The following FBXO36 variants were observed in gnomAD, a reference collection of about 807,000 sequenced individuals.
FBXO36 encodes the protein F-box protein 36, also known as F-box only protein 36.
Under a neutral mutation model 17.0 loss-of-function variants are expected in FBXO36, and 18 were observed. The ratio of observed to expected loss-of-function variants is 1.06; its 90% CI spans 0.73 to 1.57. The LOEUF (loss-of-function observed/expected upper bound fraction) is 1.57, where lower values mean the gene tolerates loss of function less well. FBXO36 is among the 40% of genes most tolerant of loss of function. FBXO36 has a pLI of 0.00. For synonymous variants in FBXO36, 83 were observed against 85.3 expected, an observed-to-expected ratio of 0.97 and a Z score of 0.15; for missense variants, 229 against 221.9, an observed-to-expected ratio of 1.03 and a Z score of -0.20.
chr2:230,006,235 A>G (rs975248075), intron 3 of FBXO36, among the ~76,000 whole-genome samples: 4 of 151,454 alleles, frequency 2.6e-5, no homozygotes, highest in Non-Finnish European at 4.4e-5. Context: ...AGCTGAGACT[A>G]TAGGCGCATG....
chr2:229,974,635 C>T (rs1246034567), intron 1 of FBXO36, among the ~76,000 whole-genome samples: 5 of 152,236 alleles, frequency 3.3e-5, no homozygotes, highest in African/African-American at 7.2e-5. Context: ...GCCCTGGGCT[C>T]GATCTCCATT....
intron 3 of FBXO36, among the ~76,000 whole-genome samples, chr2:229,998,070 A>T (rs554666155): frequency 6.6e-6 from 1 of 152,260 alleles, no homozygotes; most frequent in Non-Finnish European, 1.5e-5. Flanking sequence ...GGCAATGTCC[A>T]TTTATAAAAG....
chr2:230,010,599 C>T, intron 3 of FBXO36, 97 bp from the exon 4 acceptor site: 2 of 1,126,030 alleles, frequency 1.8e-6, no homozygotes, highest in South Asian at 1.8e-5. Flanking sequence ...GTGTCTGGCA[C>T]AGGTAGTGTT....
At chr2:229,967,438 G>A (rs2077159073) in intron 1 of FBXO36, among the ~76,000 whole-genome samples, 1 of 152,270 alleles carries the variant, frequency 6.6e-6, no homozygotes, top group South Asian at 2.1e-4. Flanking sequence ...GTGAGAGAGG[G>A]CATCCCTGTC....
In FBXO36 at chr2:229,996,796, T is replaced by C. The variant is rs1220613487; in HGVS notation, c.251T>C (p.Ile84Thr). The C allele has an allele frequency of 6.2e-7, 1 of 1,613,484 alleles. No individual in the cohort carries two copies. The highest frequency in any genetic ancestry group is 1.7e-5 in the Admixed American group (1 of 59,988). Residue 84 changes from isoleucine (I) to threonine (T), a missense_variant, in exon 3 of 4, where the codon ATC (isoleucine) becomes ACC (threonine). Physicochemically the swap from Ile to Thr is moderately conservative, Grantham distance 89. Coordinates refer to ENST00000283946, the MANE Select transcript of FBXO36 (RefSeq NM_174899.5). Reference sequence around the variant, plus strand: ...GGTGCAAGAATATTAGACTATGTCATCAATTTGTGCAAAGGTAAATTTGAC... The same window carrying C: ...GGTGCAAGAATATTAGACTATGTCACCAATTTGTGCAAAGGTAAATTTGAC... Reference protein sequence around the residue: ...IFGARILDYVINLCKGKFDFL... With the variant: ...IFGARILDYVTNLCKGKFDFL...
chr2:230,009,109 A>C (rs2077401652), intron 3 of FBXO36, among the ~76,000 whole-genome samples: 1 of 152,200 alleles, frequency 6.6e-6, no homozygotes, highest in Non-Finnish European at 1.5e-5. Context: ...TTCTGTTCAG[A>C]AGTGAACGTA....
chr2:229,992,443 C>G (rs76575898), intron 2 of FBXO36, among the ~76,000 whole-genome samples: 2,758 of 152,240 alleles, frequency 0.018, 79 homozygotes, highest in African/African-American at 0.063. Flanking sequence ...CAGGCATGAG[C>G]GACCACACCT....
chr2:229,949,817 C>T (rs369786643), intron 1 of FBXO36, among the ~76,000 whole-genome samples: 13 of 151,984 alleles, frequency 8.6e-5, no homozygotes, highest in Admixed American at 4.6e-4. Flanking sequence ...CCCAGCTACT[C>T]GGGAGGCTGA....
chr2:229,997,687 T>A (rs1456409796), intron 3 of FBXO36, among the ~76,000 whole-genome samples: 4 of 152,168 alleles, frequency 2.6e-5, no homozygotes, highest in Non-Finnish European at 2.9e-5. Context: ...TCCCAATATG[T>A]GTGTTTCAGT....
chr2:230,002,060 A>T (rs997284412), intron 3 of FBXO36, among the ~76,000 whole-genome samples: 2 of 151,736 alleles, frequency 1.3e-5, no homozygotes, highest in Non-Finnish European at 2.9e-5. Context: ...CTGGTCTCGA[A>T]CTCCTGACCT....
At chr2:229,972,424 A>G (rs2077185529) in intron 1 of FBXO36, among the ~76,000 whole-genome samples, 1 of 152,166 alleles carries the variant, frequency 6.6e-6, no homozygotes, top group African/African-American at 2.4e-5. Flanking sequence ...AAGTATAGCT[A>G]TGATTGAATA....
chr2:229,954,234 A>ATTTTTTTTTTTTT (rs60093081), intron 1 of FBXO36, among the ~76,000 whole-genome samples: 1,464 of 71,332 alleles, frequency 0.021, 399 homozygotes, highest in South Asian at 0.035. Context: ...AACCCTTTGG[A>ATTTTTTTTTTTTT]TTTTTTTTTT....
chr2:229,935,345 G>T (rs1445713728), intron 1 of FBXO36, among the ~76,000 whole-genome samples: 1 of 152,072 alleles, frequency 6.6e-6, no homozygotes, highest in Non-Finnish European at 1.5e-5. Context: ...ACACCACCGT[G>T]TGATAACAAT....
rs2077414472 is a variant in FBXO36 at position 230,011,347 on chromosome 2, A to G, written c.*463A>G. The stretch of plus-strand genomic sequence containing the variant: ...GTCCCCACCAGGAACTGTGAAGGGC[A>G]CGTACCACGGGAGGCACTCAGGGTG... On this transcript the variant is annotated 3_prime_UTR_variant, in exon 4 of 4. Coordinates refer to ENST00000283946, the MANE Select transcript of FBXO36 (RefSeq NM_174899.5). 6.5e-6 allele frequency: 1 copy of G among 154,300 alleles called. No individual in the cohort carries two copies. The highest frequency in any genetic ancestry group is 1.4e-5 in the Non-Finnish European group (1 of 69,456). 9.6% of individuals were successfully genotyped at this position (154,300 alleles called of 1,614,324 possible). A position where few individuals can be genotyped will look rare whatever the true frequency, so the allele number is the denominator to read the frequency against.
Position 230,010,958 on chromosome 2 carries a change from CCTTTT to C in FBXO36, c.*78_*82del, listed in dbSNP as rs1352285259. 2.1e-6 allele frequency: 3 copies of C among 1,426,368 alleles called. No individual in the cohort carries two copies. Among genetic ancestry groups the C allele is most frequent in the African/African-American group, 1.4e-5 (1 of 69,624 alleles). The allele number at this position is 1,426,368 out of a possible 1,614,324, so 88.4% of individuals were successfully genotyped here. Reference sequence around the variant, plus strand: ...TTCAGTGTCCAAATCTCTTCTGTCTCCTTTTCTTAAGAACTAAGAGGTTTTGTTGA... The same window carrying C: ...TTCAGTGTCCAAATCTCTTCTGTCTCCTTAAGAACTAAGAGGTTTTGTTGA... On this transcript the variant is annotated 3_prime_UTR_variant, in exon 4 of 4. Transcript: ENST00000283946.
chr2:229,960,511 G>T (rs1363440773), intron 1 of FBXO36, among the ~76,000 whole-genome samples: 1 of 151,906 alleles, frequency 6.6e-6, no homozygotes, highest in African/African-American at 2.4e-5. Flanking sequence ...GTGGTGTTGG[G>T]ATAGGGTGTC....
intron 1 of FBXO36, among the ~76,000 whole-genome samples, chr2:229,967,452 T>C (rs1031657901): frequency 2.0e-5 from 3 of 152,228 alleles, no homozygotes; most frequent in African/African-American, 7.2e-5. Context: ...CCCTGTCTTG[T>C]GCCAGTTTCC....
chr2:229,999,122 T>C (rs1259396001), intron 3 of FBXO36, among the ~76,000 whole-genome samples: 1 of 135,782 alleles, frequency 7.4e-6, no homozygotes, highest in East Asian at 2.1e-4. Context: ...TTAAGTAATG[T>C]AATTTTTTTT....
intron 3 of FBXO36, among the ~76,000 whole-genome samples, chr2:230,001,301 C>G (rs1347908105): frequency 6.9e-6 from 1 of 145,786 alleles, no homozygotes; most frequent in Non-Finnish European, 1.5e-5. Context: ...CTTTTTTTTT[C>G]TTTTGAGACA....
Sources: gnomAD v4.1 joint callset for allele counts (sites outside exome capture counted in the v4.1 genomes callset) on GRCh38, gnomAD v4.1.1 for gene constraint, MANE v1.5 for transcripts, NCBI Gene and HGNC (gene_info 2026-07-23, HGNC 2026-07-21) for gene names.